HPSE2: variants seen among roughly 807,000 people sequenced by gnomAD.
HPSE2 encodes heparanase 2 (inactive).
HPSE2 carries 38 observed loss-of-function variants against 60.5 expected under a neutral mutation model. The observed-to-expected ratio is 0.63, with a 90% CI of 0.48 to 0.82. HPSE2 has a LOEUF of 0.82. Ranked by LOEUF, HPSE2 falls within the 40% of genes least tolerant of loss-of-function variation. HPSE2 has a pLI of 0.00. For missense variants in HPSE2, 713 were observed against 740.4 expected (o/e 0.96, Z 0.43); for synonymous variants, 295 against 293.2 (o/e 1.01, Z -0.06).
Position 99,045,662 on chromosome 10 carries a change from GA to G in HPSE2, c.610+98575del, listed in dbSNP as rs201824595. Among the ~76,000 whole-genome samples the G allele has an allele frequency of 5.9e-3, 904 of 152,184 alleles. 9 individuals are homozygous for G. The highest frequency in any genetic ancestry group is 9.4e-3 in the Non-Finnish European group (638 of 67,962). ...AAAAGACAGCAATGACTTTACAACTGATCCCATAGAAATACAAAATATCCTC... is the reference window on the plus strand; with the variant it reads ...AAAAGACAGCAATGACTTTACAACTGTCCCATAGAAATACAAAATATCCTC... On this transcript the variant is annotated intron_variant, in intron 3 of 11. Coordinates refer to ENST00000370552, the MANE Select transcript of HPSE2 (RefSeq NM_021828.5).
intron 2 of HPSE2, among the ~76,000 whole-genome samples, chr10:99,222,029 C>G (rs1218833796): frequency 6.6e-6 from 1 of 152,050 alleles, no homozygotes. Flanking sequence ...AGTGCCCAAA[C>G]CAGATGAAAA....
At chr10:98,861,576 T>C (rs749406507) in intron 3 of HPSE2, among the ~76,000 whole-genome samples, 7 of 152,316 alleles carry the variant, frequency 4.6e-5, no homozygotes, top group South Asian at 2.1e-4. Context: ...TTGTTCATTA[T>C]TACTTATTAT....
intron 3 of HPSE2, among the ~76,000 whole-genome samples, chr10:98,803,726 C>T (rs1242161219): frequency 2.0e-5 from 3 of 150,630 alleles, no homozygotes; most frequent in South Asian, 2.1e-4. Flanking sequence ...TTACTGTAGC[C>T]TTGTAGTATA....
chr10:99,019,313 C>T (rs550944722), intron 3 of HPSE2, among the ~76,000 whole-genome samples: 1 of 152,308 alleles, frequency 6.6e-6, no homozygotes, highest in South Asian at 2.1e-4. Flanking sequence ...GAGGTGTCAT[C>T]AAGTGTTGCA....
At chr10:98,670,383 T>C (rs1182460112) in intron 6 of HPSE2, among the ~76,000 whole-genome samples, 2 of 152,230 alleles carry the variant, frequency 1.3e-5, no homozygotes, top group African/African-American at 2.4e-5. Flanking sequence ...CTGATCCAGG[T>C]TTAGTATCCC....
At chr10:98,970,682 T>C (rs1170104085) in intron 3 of HPSE2, among the ~76,000 whole-genome samples, 3 of 152,208 alleles carry the variant, frequency 2.0e-5, no homozygotes, top group South Asian at 2.1e-4. Context: ...AATAAACTTT[T>C]CTGATTGTAT....
intron 6 of HPSE2, among the ~76,000 whole-genome samples, chr10:98,680,750 G>A (rs754089499): frequency 8.6e-5 from 13 of 151,986 alleles, no homozygotes; most frequent in Middle Eastern, 3.2e-3. Flanking sequence ...AACTGAATTG[G>A]TCATTTGTTA....
At chr10:98,810,327 A>G (rs576213207) in intron 3 of HPSE2, among the ~76,000 whole-genome samples, 1 of 152,294 alleles carries the variant, frequency 6.6e-6, no homozygotes, top group Non-Finnish European at 1.5e-5. Flanking sequence ...CCTACATTAA[A>G]AAATATACAA....
At chr10:99,290,357 A>T in the HPSE2 span, among the ~76,000 whole-genome samples, 1 of 152,292 alleles carries the variant, frequency 6.6e-6, no homozygotes, top group East Asian at 1.9e-4. Flanking sequence ...CCTTGTAAGA[A>T]TTGTAAAAGG....
chr10:98,699,226 G>A (rs1402918673), intron 5 of HPSE2, among the ~76,000 whole-genome samples: 49 of 152,208 alleles, frequency 3.2e-4, no homozygotes, highest in Middle Eastern at 3.4e-3. Context: ...GATGAACATC[G>A]ATGTAAAAAT....
intron 8 of HPSE2, among the ~76,000 whole-genome samples, chr10:98,620,220 A>G (rs777809038): frequency 1.3e-4 from 20 of 152,158 alleles, no homozygotes; most frequent in Non-Finnish European, 2.1e-4. Flanking sequence ...AGTTCCATCA[A>G]TCATATTTTT....
chr10:98,826,173 C>A (rs1437804465), intron 3 of HPSE2, among the ~76,000 whole-genome samples: 1 of 152,138 alleles, frequency 6.6e-6, no homozygotes, highest in Non-Finnish European at 1.5e-5. Flanking sequence ...ATCTTGTTCA[C>A]CACTGTATTC....
intron 3 of HPSE2, among the ~76,000 whole-genome samples, chr10:98,887,143 T>C (rs1953188351): frequency 6.6e-6 from 1 of 152,144 alleles, no homozygotes; most frequent in Non-Finnish European, 1.5e-5. Context: ...TCAATGGTCT[T>C]ATAGAACACA....
chr10:99,277,844 T>A, the HPSE2 span, among the ~76,000 whole-genome samples: 2 of 152,132 alleles, frequency 1.3e-5, no homozygotes, highest in Non-Finnish European at 2.9e-5. Flanking sequence ...ACGCCTGTAA[T>A]CCCAGCACTT....
At chr10:98,884,654 A>G (rs1953115928) in intron 3 of HPSE2, among the ~76,000 whole-genome samples, 1 of 152,138 alleles carries the variant, frequency 6.6e-6, no homozygotes, top group Admixed American at 6.6e-5. Context: ...GCAGTCCTCA[A>G]CCTTTTTGGC....
chr10:98,569,219 A>G (rs1944430323), intron 9 of HPSE2, among the ~76,000 whole-genome samples: 1 of 151,808 alleles, frequency 6.6e-6, no homozygotes, highest in Non-Finnish European at 1.5e-5. Context: ...ACCCGCCACC[A>G]CGCCCAGCTA....
chr10:99,206,698 A>G (rs1471792314), intron 2 of HPSE2, among the ~76,000 whole-genome samples: 2 of 152,116 alleles, frequency 1.3e-5, no homozygotes, highest in Non-Finnish European at 2.9e-5. Flanking sequence ...AATTATAAGT[A>G]TAATGAGAAA....
chr10:98,823,864 A>G (rs935396374), intron 3 of HPSE2, among the ~76,000 whole-genome samples: 2 of 152,226 alleles, frequency 1.3e-5, no homozygotes, highest in Admixed American at 1.3e-4. Context: ...TTTAAAGGAC[A>G]TAATCAACAA....
intron 5 of HPSE2, among the ~76,000 whole-genome samples, chr10:98,695,085 G>A (rs918275499): frequency 1.3e-5 from 2 of 152,222 alleles, no homozygotes; most frequent in African/African-American, 4.8e-5. Context: ...CAGAGGCTCT[G>A]ATTTGCTGTG....
Sources: allele counts gnomAD v4.1 joint callset (sites outside exome capture counted in the v4.1 genomes callset), GRCh38; gene constraint gnomAD v4.1.1; transcripts MANE v1.5; gene names NCBI Gene and HGNC (gene_info 2026-07-23, HGNC 2026-07-21).